The following ENPP3 variants were observed in gnomAD, a reference collection of about 807,000 sequenced individuals.
The protein encoded by ENPP3 is ectonucleotide pyrophosphatase/phosphodiesterase 3.
ENPP3 carries 104 observed loss-of-function variants against 117.8 expected under a neutral mutation model. The observed-to-expected ratio is 0.88, with a 90% CI of 0.75 to 1.04. The LOEUF (loss-of-function observed/expected upper bound fraction) is 1.04, where lower values mean the gene tolerates loss of function less well. ENPP3 is among the 50% of genes least tolerant of loss of function. ENPP3 has a pLI of 0.00. For missense variants in ENPP3, 1,026 were observed against 1,051.9 expected (o/e 0.98, Z 0.34); for synonymous variants, 380 against 349.9 (o/e 1.09, Z -0.96).
chr6:131,704,659 T>TA (rs1373809434), intron 15 of ENPP3, among the ~76,000 whole-genome samples: 8 of 147,224 alleles, frequency 5.4e-5, no homozygotes, highest in African/African-American at 2.0e-4. Context: ...GTGGTTGACA[T>TA]ATTGTGCCAA....
At chr6:131,706,613 C>T (rs1779643442) in intron 15 of ENPP3, among the ~76,000 whole-genome samples, 1 of 150,566 alleles carries the variant, frequency 6.6e-6, no homozygotes, top group East Asian at 2.0e-4. Flanking sequence ...ATGAAGTTTC[C>T]TCTATTCCTG....
At chr6:131,688,441 A>T (rs940221766) in intron 14 of ENPP3, among the ~76,000 whole-genome samples, 1 of 152,250 alleles carries the variant, frequency 6.6e-6, no homozygotes, top group Non-Finnish European at 1.5e-5. Context: ...GAAAGTTAAG[A>T]TGGGCCAAAA....
chr6:131,650,136 C>T lies in ENPP3; in HGVS notation c.264C>T (p.Thr88=). ...ATTGCTGCTGGGATTTTGAAGACAC[C>T]TGTGTGGAATCAAGTATGAGTTCTG... ...RGDCCWDFED[T]CVESTRIWMC... Residue 88 remains threonine (T), a synonymous_variant, in exon 3 of 25, where the codon ACC becomes ACT. Transcript: ENST00000357639. 1 of 1,613,968 alleles carries T rather than the reference C, an allele frequency of 6.2e-7. No homozygotes were observed. Among genetic ancestry groups the T allele is most frequent in the South Asian group, 1.1e-5 (1 of 91,066 alleles).
At chr6:131,701,884 G>GAAAAA (rs1170025527) in intron 15 of ENPP3, among the ~76,000 whole-genome samples, 25 of 96,888 alleles carry the variant, frequency 2.6e-4, no homozygotes, top group Non-Finnish European at 3.5e-4. Context: ...TCTGTCTCCA[G>GAAAAA]AAAAAAAAAA....
intron 7 of ENPP3, 72 bp from the exon 8 acceptor site, chr6:131,674,090 T>C (rs1778810996): frequency 1.1e-6 from 1 of 901,674 alleles, no homozygotes; most frequent in East Asian, 2.7e-5. Context: ...TAATAGATCG[T>C]GTGCTATTTT....
At chr6:131,679,781 C>G (rs965891619) in intron 11 of ENPP3, among the ~76,000 whole-genome samples, 2 of 152,130 alleles carry the variant, frequency 1.3e-5, no homozygotes, top group African/African-American at 4.8e-5. Flanking sequence ...AATGGTCTGA[C>G]AAACAAATGG....
At chr6:131,719,408 C>CACACG (rs1779968031) in intron 16 of ENPP3, among the ~76,000 whole-genome samples, 1 of 146,942 alleles carries the variant, frequency 6.8e-6, no homozygotes, top group Non-Finnish European at 1.5e-5. Flanking sequence ...CACACACACA[C>CACACG]ACACACACAC....
At chr6:131,706,717 T>G (rs1446106356) in intron 15 of ENPP3, among the ~76,000 whole-genome samples, 34 of 150,264 alleles carry the variant, frequency 2.3e-4, no homozygotes, top group African/African-American at 7.2e-4. Flanking sequence ...TTCTTTTGTT[T>G]GTTAACATGG....
At chr6:131,736,082 A>G (rs3843998) in intron 21 of ENPP3, among the ~76,000 whole-genome samples, 1,598 of 152,366 alleles carry the variant, frequency 0.01, 21 homozygotes, top group African/African-American at 0.033. Context: ...CATGAGACAA[A>G]TGAAGCACAG....
chr6:131,715,676 T>C (rs1779872835), intron 15 of ENPP3, among the ~76,000 whole-genome samples: 1 of 152,020 alleles, frequency 6.6e-6, no homozygotes, highest in Non-Finnish European at 1.5e-5. Context: ...GCAGCCACTC[T>C]CCTGGAGTAA....
At chr6:131,675,926 TG>T (rs1778858528) in intron 9 of ENPP3, among the ~76,000 whole-genome samples, 1 of 152,190 alleles carries the variant, frequency 6.6e-6, no homozygotes, top group African/African-American at 2.4e-5. Context: ...TGGCCCCCTG[TG>T]TCACTCAGAG....
At chr6:131,677,097 A>C (rs967285609) in intron 10 of ENPP3, among the ~76,000 whole-genome samples, 1 of 152,074 alleles carries the variant, frequency 6.6e-6, no homozygotes, top group African/African-American at 2.4e-5. Flanking sequence ...TTAGCTGGGC[A>C]TGGTGGTACG....
chr6:131,683,012 G>A (rs756419492), intron 11 of ENPP3, 42 bp from the exon 12 acceptor site: 1 of 1,203,504 alleles, frequency 8.3e-7, no homozygotes, highest in East Asian at 2.3e-5. Flanking sequence ...GGCTAATTAA[G>A]ACAACTCATT....
At chr6:131,712,090 C>A (rs1486490535) in intron 15 of ENPP3, among the ~76,000 whole-genome samples, 3 of 130,360 alleles carry the variant, frequency 2.3e-5, no homozygotes, top group Admixed American at 7.7e-5. Context: ...TCTGACACAA[C>A]CTGTTTTGTC....
intron 1 of ENPP3, among the ~76,000 whole-genome samples, chr6:131,637,988 T>A (rs911256308): frequency 1.3e-5 from 2 of 151,944 alleles, no homozygotes; most frequent in South Asian, 4.1e-4. Context: ...AATTTTAAAT[T>A]TTTTTCTTTT....
At chr6:131,662,701 A>G (rs9493040) in intron 6 of ENPP3, among the ~76,000 whole-genome samples, 2,071 of 151,908 alleles carry the variant, frequency 0.014, 19 homozygotes, top group Non-Finnish European at 0.019. Flanking sequence ...TATGAATTTA[A>G]TTTTTTTTCT....
Position 131,652,610 on chromosome 6 carries a change from TC to T in ENPP3, c.347del (p.Ser116Ter). 6.2e-7 allele frequency: 1 copy of T among 1,614,072 alleles called. No homozygotes were observed. Among genetic ancestry groups the T allele is most frequent in the Non-Finnish European group, 8.5e-7 (1 of 1,179,916 alleles). On this transcript the variant is annotated frameshift_variant, in exon 4 of 25. Transcript: ENST00000357639. LOFTEE classifies it high-confidence loss of function. ...ATTAGAGGCCAGCCTTTGCTCTTGT[TC>T]AGATGACTGTTTGCAGAGGAAAGAT... ...TRLEASLCSC[S>X]DDCLQRKDCC... is the part of the protein sequence containing the mutation.
rs1314775432 is a variant in ENPP3 at position 131,740,224 on chromosome 6, A to G, written c.2301A>G (p.Lys767=). The G allele has an allele frequency of 2.5e-6, 4 of 1,574,860 alleles. No homozygotes were observed. The highest frequency in any genetic ancestry group is 3.4e-6 in the Non-Finnish European group (4 of 1,160,366). The change falls in exon 24 of 25, where the codon AAA becomes AAG. Residue 767 remains lysine (K), a splice_region_variant and synonymous_variant. Coordinates refer to ENST00000357639, the MANE Select transcript of ENPP3 (RefSeq NM_005021.5). The stretch of plus-strand genomic sequence containing the variant: ...ACATGTTTTCAATTATGTTTGTAAG[A>G]CATTTAGCCAACACTGATGTTCCCA... ...GHFDAPDEIT[K]HLANTDVPIP... is the part of the protein sequence containing the mutation.
chr6:131,737,234 A>G (rs1780415602), intron 21 of ENPP3, 121 bp from the exon 22 acceptor site: 1 of 623,288 alleles, frequency 1.6e-6, no homozygotes, highest in Non-Finnish European at 2.7e-6. Context: ...GTTAGAAAGT[A>G]CTACTTCTGT....
Sources: gnomAD v4.1 joint callset for allele counts (sites outside exome capture counted in the v4.1 genomes callset) on GRCh38, gnomAD v4.1.1 for gene constraint, MANE v1.5 for transcripts, NCBI Gene and HGNC (gene_info 2026-07-23, HGNC 2026-07-21) for gene names.